Variants in TTLL7 observed in about 807,000 individuals in gnomAD.
TTLL7 encodes the protein tubulin tyrosine ligase like 7.
In TTLL7, 53 loss-of-function variants were observed where a neutral mutation model predicts 120.2. That is an observed-to-expected ratio of 0.44 (90% CI 0.35 to 0.55). The LOEUF (loss-of-function observed/expected upper bound fraction) is 0.55. Ranked by LOEUF, TTLL7 falls within the 20% of genes least tolerant of loss-of-function variation. TTLL7 has a pLI of 0.00. For synonymous variants in TTLL7, 353 were observed against 351.7 expected (o/e 1.00, Z -0.04); for missense variants, 803 against 1,054.7 (o/e 0.76, Z 3.31).
intron 1 of TTLL7, among the ~76,000 whole-genome samples, chr1:83,959,450 T>C (rs1649822127): frequency 6.6e-6 from 1 of 152,174 alleles, no homozygotes. Context: ...CCAGCAGGAC[T>C]CTCACTTTTT....
intron 20 of TTLL7, 25 bp from the exon 21 acceptor site, chr1:83,870,107 G>T: frequency 6.5e-7 from 1 of 1,530,906 alleles, no homozygotes; most frequent in Non-Finnish European, 8.7e-7. Context: ...TAACAAATTA[G>T]ATTTTTACAA....
intron 5 of TTLL7, 42 bp from the exon 6 acceptor site, chr1:83,947,324 C>T: frequency 1.3e-6 from 2 of 1,540,888 alleles, no homozygotes; most frequent in Non-Finnish European, 1.8e-6. Context: ...TCTATTCAAA[C>T]TAGCATATAT....
intron 18 of TTLL7, among the ~76,000 whole-genome samples, chr1:83,892,715 CATAT>C (rs1342626630): frequency 1.4e-4 from 3 of 22,144 alleles, no homozygotes; most frequent in African/African-American, 2.0e-4. Context: ...AACATATGAA[CATAT>C]ATATGTGAAC....
chr1:83,966,230 T>C (rs1384363713), intron 1 of TTLL7, among the ~76,000 whole-genome samples: 1 of 152,056 alleles, frequency 6.6e-6, no homozygotes, highest in Non-Finnish European at 1.5e-5. Flanking sequence ...CCTCACACCA[T>C]CTTTTGGCTC....
chr1:83,871,444 G>A lies in TTLL7; in HGVS notation c.2544-1362C>T, dbSNP rs547622152. On this transcript the variant is annotated intron_variant, in intron 20 of 20. Transcript: ENST00000260505. Reference sequence around the variant, plus strand: ...AACACTATTCAAAGTGTAAGTCCTAGTAATGATGAGGAGGAAATGCTATAA... The same window carrying A: ...AACACTATTCAAAGTGTAAGTCCTAATAATGATGAGGAGGAAATGCTATAA... Among the ~76,000 whole-genome samples, 6 of 152,254 alleles carry A rather than the reference G, an allele frequency of 3.9e-5. No homozygotes were observed. The East Asian group carries it at 1.2e-3, about 29-fold the overall frequency.
chr1:83,921,209 C>A, intron 11 of TTLL7, 38 bp downstream of exon 11: 3 of 1,609,358 alleles, frequency 1.9e-6, no homozygotes, highest in Non-Finnish European at 2.5e-6. Flanking sequence ...GTGAATTATG[C>A]AATTTAAATT....
At chr1:83,939,949 G>A (rs2100836986) in intron 7 of TTLL7, among the ~76,000 whole-genome samples, 1 of 152,058 alleles carries the variant, frequency 6.6e-6, no homozygotes, top group East Asian at 1.9e-4. Context: ...CATAACCGTG[G>A]TCTCACTTTA....
intron 13 of TTLL7, among the ~76,000 whole-genome samples, chr1:83,918,164 C>T (rs1658348190): frequency 6.6e-6 from 1 of 152,094 alleles, no homozygotes; most frequent in Non-Finnish European, 1.5e-5. Context: ...GCTGACTGGG[C>T]ACTATTTAAT....
intron 1 of TTLL7, among the ~76,000 whole-genome samples, chr1:83,998,256 T>C (rs1444239312): frequency 6.6e-6 from 1 of 152,180 alleles, no homozygotes; most frequent in Admixed American, 6.5e-5. Context: ...TAAAATACGA[T>C]ATATAAAAGT....
At chr1:83,912,559 G>A (rs1458810313) in intron 14 of TTLL7, 1 of 152,028 alleles carries the variant, frequency 6.6e-6, no homozygotes, top group African/African-American at 2.4e-5. Context: ...TGAAATCCTT[G>A]GATAGCATGG....
At position 83,906,312 on chromosome 1, in the gene TTLL7, A is replaced by G. The variant is rs200001854; in HGVS notation, c.2127+17T>C. On this transcript the variant is annotated intron_variant, in intron 17 of 20. Coordinates refer to ENST00000260505, the MANE Select transcript of TTLL7 (RefSeq NM_024686.6). ...AGGTACCAGCTCCTTGGCATTTTAGATACATCACATACTCACATCTTCTAT... is the reference window on the plus strand; with the variant it reads ...AGGTACCAGCTCCTTGGCATTTTAGGTACATCACATACTCACATCTTCTAT... 6.2e-6 allele frequency: 10 copies of G among 1,601,806 alleles called. No individual in the cohort carries two copies. The East Asian group carries it at 2.2e-4, about 36-fold the overall frequency.
chr1:83,927,413 G>C (rs753668738), intron 10 of TTLL7, among the ~76,000 whole-genome samples: 2 of 152,084 alleles, frequency 1.3e-5, no homozygotes, highest in Non-Finnish European at 2.9e-5. Flanking sequence ...TCAAAAGGAA[G>C]ACTTCATAAT....
chr1:83,922,656 G>C (rs1658776408), intron 10 of TTLL7, among the ~76,000 whole-genome samples: 1 of 151,560 alleles, frequency 6.6e-6, no homozygotes, highest in South Asian at 2.1e-4. Flanking sequence ...AGCTCTGGGT[G>C]AATGCAAGAA....
chr1:83,986,875 C>T (rs1652502380), intron 1 of TTLL7, among the ~76,000 whole-genome samples: 1 of 152,084 alleles, frequency 6.6e-6, no homozygotes, highest in Non-Finnish European at 1.5e-5. Flanking sequence ...GCAAGGATGT[C>T]CACTCTCACC....
intron 10 of TTLL7, among the ~76,000 whole-genome samples, chr1:83,924,310 A>G (rs6699501): frequency 0.48 from 73,261 of 152,082 alleles, 18,607 homozygotes; most frequent in Non-Finnish European, 0.57. Flanking sequence ...AGAATGTCAA[A>G]CTTGAGCTAG....
intron 20 of TTLL7, among the ~76,000 whole-genome samples, chr1:83,874,387 T>C (rs1010517122): frequency 4.6e-5 from 7 of 152,230 alleles, no homozygotes; most frequent in Middle Eastern, 3.4e-3. Flanking sequence ...GGGCATGGGT[T>C]GTTTCCATCT....
At chr1:83,936,001 A>G (rs1233489012) in intron 8 of TTLL7, among the ~76,000 whole-genome samples, 1 of 152,208 alleles carries the variant, frequency 6.6e-6, no homozygotes, top group African/African-American at 2.4e-5. Flanking sequence ...CATTCTAACT[A>G]ACATAGCCAA....
intron 14 of TTLL7, among the ~76,000 whole-genome samples, chr1:83,915,246 A>G (rs1252618516): frequency 1.3e-5 from 2 of 152,162 alleles, no homozygotes; most frequent in Non-Finnish European, 2.9e-5. Flanking sequence ...AAACTATACT[A>G]CAAGGCTACA....
chr1:83,998,811 G>A (rs899865873), intron 1 of TTLL7, 120 bp downstream of exon 1: 13 of 301,942 alleles, frequency 4.3e-5, no homozygotes, highest in Non-Finnish European at 1.3e-5. Context: ...AGCGGGGACG[G>A]TGTCCCCAGA....
Sources: allele counts gnomAD v4.1 joint callset (sites outside exome capture counted in the v4.1 genomes callset), GRCh38; gene constraint gnomAD v4.1.1; transcripts MANE v1.5; gene names NCBI Gene and HGNC (gene_info 2026-07-23, HGNC 2026-07-21).